PPP2R5C: variants seen among roughly 807,000 people sequenced by gnomAD.
PPP2R5C encodes serine/threonine-protein phosphatase 2A 56 kDa regulatory subunit gamma isoform.
PPP2R5C carries 7 observed loss-of-function variants against 68.9 expected under a neutral mutation model. That is an observed-to-expected ratio of 0.10 (90% CI 0.06 to 0.19). The LOEUF (loss-of-function observed/expected upper bound fraction) is 0.19, where lower values mean the gene tolerates loss of function less well. Among genes scored for constraint, PPP2R5C ranks in the 10% least tolerant of loss-of-function variants. The probability of loss-of-function intolerance (pLI) is 1.00; values close to 1 mark genes in which losing one functional copy is unlikely to be tolerated. For missense variants in PPP2R5C, 348 were observed against 641.3 expected (o/e 0.54, Z 4.94); for synonymous variants, 210 against 222.2 (o/e 0.95, Z 0.49).
chr14:101,763,701 T>G (rs988676128), intron 2 of PPP2R5C, among the ~76,000 whole-genome samples: 1 of 152,130 alleles, frequency 6.6e-6, no homozygotes, highest in African/African-American at 2.4e-5. Flanking sequence ...ATTTTTAAGT[T>G]CATTTCCCAC....
chr14:101,870,729 A>G (rs768758123), intron 2 of PPP2R5C, among the ~76,000 whole-genome samples: 1 of 152,194 alleles, frequency 6.6e-6, no homozygotes, highest in Non-Finnish European at 1.5e-5. Flanking sequence ...AGACTTGGAG[A>G]CCATTGACCT....
chr14:101,887,678 T>A (rs1464065266), intron 5 of PPP2R5C, among the ~76,000 whole-genome samples: 1 of 152,140 alleles, frequency 6.6e-6, no homozygotes, highest in African/African-American at 2.4e-5. Context: ...TCCTAAGAGT[T>A]TGGCTTGGAA....
At chr14:101,846,808 C>T (rs1415743357) in intron 1 of PPP2R5C, among the ~76,000 whole-genome samples, 1 of 152,164 alleles carries the variant, frequency 6.6e-6, no homozygotes, top group East Asian at 1.9e-4. Context: ...CCTCTGGCTT[C>T]TTGGTTTCAG....
intron 2 of PPP2R5C, among the ~76,000 whole-genome samples, chr14:101,863,632 C>T (rs1351663664): frequency 1.3e-5 from 2 of 152,204 alleles, no homozygotes; most frequent in East Asian, 3.9e-4. Flanking sequence ...TACGGTGGCT[C>T]ACACCTGTAA....
chr14:101,872,855 C>G (rs548541100), intron 2 of PPP2R5C, among the ~76,000 whole-genome samples: 16 of 151,272 alleles, frequency 1.1e-4, no homozygotes, highest in Non-Finnish European at 1.5e-4. Context: ...GACCCTTTCT[C>G]TCCTTTAGGG....
At chr14:101,881,423 G>C (rs1000236958) in intron 2 of PPP2R5C, among the ~76,000 whole-genome samples, 1 of 152,126 alleles carries the variant, frequency 6.6e-6, no homozygotes, top group African/African-American at 2.4e-5. Context: ...TAAATACATA[G>C]ATTTAGTACA....
At chr14:101,821,716 C>T (rs1035397953) in intron 1 of PPP2R5C, among the ~76,000 whole-genome samples, 18 of 151,456 alleles carry the variant, frequency 1.2e-4, no homozygotes, top group African/African-American at 4.4e-4. Flanking sequence ...AATGTGGTCT[C>T]GCATGTTTTT....
chr14:101,765,056 G>A (rs1756930179), intron 2 of PPP2R5C: 2 of 652,468 alleles, frequency 3.1e-6, no homozygotes, highest in Non-Finnish European at 2.8e-6. Context: ...TATGTGAAAT[G>A]TGTGTTTTGA....
At chr14:101,878,723 T>A (rs986680791) in intron 2 of PPP2R5C, among the ~76,000 whole-genome samples, 7 of 152,198 alleles carry the variant, frequency 4.6e-5, no homozygotes, top group African/African-American at 1.7e-4. Context: ...GCAGTTTGGG[T>A]CTCACAGGCC....
chr14:101,913,621 A>G lies in PPP2R5C; in HGVS notation c.1326+1148A>G, dbSNP rs1197167498. Among the ~76,000 whole-genome samples the G allele has an allele frequency of 6.6e-6, 1 of 152,228 alleles. No homozygotes were observed. Among genetic ancestry groups the G allele is most frequent in the African/African-American group, 2.4e-5 (1 of 41,472 alleles). On this transcript the variant is annotated intron_variant, in intron 12 of 13. Transcript: ENST00000334743. The surrounding 1 kb of genome is among the most constrained non-coding windows in gnomAD (Gnocchi z 4.1). ...TAATCCTTAATTGAGGTAGGTAGCTATAGGCGTCTCCTTTTAACGAATTGA... is the reference window on the plus strand; with the variant it reads ...TAATCCTTAATTGAGGTAGGTAGCTGTAGGCGTCTCCTTTTAACGAATTGA...
At chr14:101,778,570 C>T (rs184853527) in intron 2 of PPP2R5C, among the ~76,000 whole-genome samples, 43 of 152,258 alleles carry the variant, frequency 2.8e-4, no homozygotes, top group African/African-American at 1.0e-3. Flanking sequence ...ATGTTGAAAT[C>T]GTTTTTTTCC....
chr14:101,770,615 A>C (rs889145006), intron 2 of PPP2R5C, among the ~76,000 whole-genome samples: 6 of 152,256 alleles, frequency 3.9e-5, no homozygotes, highest in African/African-American at 1.4e-4. Flanking sequence ...TCATGGTTAA[A>C]GCCAATAGAT....
chr14:101,844,544 G>A (rs1035227093), intron 1 of PPP2R5C, among the ~76,000 whole-genome samples: 2 of 152,110 alleles, frequency 1.3e-5, no homozygotes, highest in Non-Finnish European at 2.9e-5. Flanking sequence ...TGTCATCCCC[G>A]GGCTGGACGT....
intron 12 of PPP2R5C, 84 bp downstream of exon 14, chr14:101,912,557 G>T (rs1240582098): frequency 3.5e-6 from 5 of 1,417,958 alleles, no homozygotes; most frequent in Non-Finnish European, 4.6e-6. Context: ...TCACCATGGG[G>T]GGGGTCTCGA....
At chr14:101,780,439 A>G (rs1458572292) in intron 2 of PPP2R5C, among the ~76,000 whole-genome samples, 1 of 152,194 alleles carries the variant, frequency 6.6e-6, no homozygotes, top group Non-Finnish European at 1.5e-5. Flanking sequence ...CCCAAGGGAC[A>G]TTTGGCAATG....
intron 1 of PPP2R5C, chr14:101,836,116 A>G (rs1338888223): frequency 7.5e-6 from 5 of 665,060 alleles, no homozygotes; most frequent in Non-Finnish European, 1.4e-5. Flanking sequence ...CACAAGCAAC[A>G]ATAAATAAGA....
At chr14:101,823,697 T>C (rs2040225345) in intron 1 of PPP2R5C, 1 of 956,226 alleles carries the variant, frequency 1.0e-6, no homozygotes, top group Non-Finnish European at 1.3e-6. Flanking sequence ...AAGAAGGAGC[T>C]GGTGACAGAG....
exon 14 of PPP2R5C, chr14:101,925,699 C>G (rs1436017888): frequency 1.3e-5 from 2 of 154,358 alleles, no homozygotes; most frequent in Non-Finnish European, 2.9e-5. Flanking sequence ...ACTTTACAGC[C>G]TTTGAAATGG....
rs928242409 is a variant in PPP2R5C at position 101,827,523 on chromosome 14, T to C, written c.94+17487T>C. 2.0e-5 allele frequency among the ~76,000 whole-genome samples: 3 copies of C among 152,184 alleles called. No homozygotes were observed. The South Asian group carries it at 6.2e-4, about 31-fold the overall frequency. ...ATGGGCAGAGACAACACTGATCTGC[T>C]GCCATCTGCACTGGGCAAGATGGCC... On this transcript the variant is annotated intron_variant, in intron 1 of 13. Coordinates refer to ENST00000334743, the Ensembl canonical transcript of PPP2R5C.
Sources: allele counts gnomAD v4.1 joint callset (sites outside exome capture counted in the v4.1 genomes callset), GRCh38; gene constraint gnomAD v4.1.1; non-coding constraint Gnocchi (gnomAD v3.1); transcripts MANE v1.5; gene names NCBI Gene and HGNC (gene_info 2026-07-23, HGNC 2026-07-21).